The following EPB41L4B variants were observed in gnomAD, a reference collection of about 807,000 sequenced individuals.
EPB41L4B encodes the protein band 4.1-like protein 4B.
A neutral mutation model predicts 112.5 loss-of-function variants in EPB41L4B; 30 were observed. The ratio of observed to expected loss-of-function variants is 0.27; its 90% CI spans 0.20 to 0.36. The LOEUF is 0.36. EPB41L4B is among the 10% of genes least tolerant of loss of function. The probability of loss-of-function intolerance (pLI) is 1.00; values close to 1 mark genes in which losing one functional copy is unlikely to be tolerated. For missense variants in EPB41L4B, 1,024 were observed against 1,133.3 expected (o/e 0.90, Z 1.38); for synonymous variants, 408 against 439.7 (o/e 0.93, Z 0.90).
chr9:109,178,969 T>C (rs2118593422), intron 24 of EPB41L4B, among the ~76,000 whole-genome samples: 1 of 146,512 alleles, frequency 6.8e-6, no homozygotes, highest in East Asian at 2.0e-4. Context: ...AATTACATTA[T>C]TAAATCTCAA....
chr9:109,182,910 G>A, intron 23 of EPB41L4B, 113 bp from the exon 24 acceptor site: 1 of 744,346 alleles, frequency 1.3e-6, no homozygotes, highest in Non-Finnish European at 2.4e-6. Flanking sequence ...TGCCCCCGCA[G>A]AGCCTTCATC....
Position 109,178,382 on chromosome 9 carries a change from C to CTTTTTTTTTTTTT in EPB41L4B, c.2488-1687_2488-1686insAAAAAAAAAAAAA, listed in dbSNP as rs1397053185. On this transcript the variant is annotated intron_variant, in intron 24 of 25. Coordinates refer to ENST00000374566, the MANE Select transcript of EPB41L4B (RefSeq NM_019114.5). ...ACTCTGATCATCAAATGAGCAGTAT[C>CTTTTTTTTTTTTT]TTCTTTTTTTTTTTTTTGAGTTGGA... Among the ~76,000 whole-genome samples, 3 of 142,092 alleles carry CTTTTTTTTTTTTT rather than the reference C, an allele frequency of 2.1e-5. 1 individual carries two copies. The highest frequency in any genetic ancestry group is 3.1e-5 in the Non-Finnish European group (2 of 65,468). 93.2% of individuals were successfully genotyped at this position (142,092 alleles called of 152,430 possible). A position where few individuals can be genotyped will look rare whatever the true frequency, so the allele number is the denominator to read the frequency against.
At chr9:109,240,289 T>C (rs982963128) in intron 15 of EPB41L4B, 18 of 985,340 alleles carry the variant, frequency 1.8e-5, no homozygotes, top group African/African-American at 1.7e-5. Flanking sequence ...TAAAATGGAA[T>C]ACACCTGTAA....
intron 2 of EPB41L4B, among the ~76,000 whole-genome samples, chr9:109,277,925 G>A (rs150271203): frequency 4.9e-4 from 74 of 152,300 alleles, no homozygotes; most frequent in African/African-American, 1.7e-3. Flanking sequence ...CAGGACACAC[G>A]AGAATCTATG....
chr9:109,239,773 C>T (rs1834287796), intron 15 of EPB41L4B: 2 of 966,468 alleles, frequency 2.1e-6, no homozygotes, highest in Admixed American at 6.2e-5. Flanking sequence ...ATATGGCATA[C>T]ACAATTTCCA....
At chr9:109,236,085 A>G (rs1193751392) in intron 15 of EPB41L4B, among the ~76,000 whole-genome samples, 1 of 152,104 alleles carries the variant, frequency 6.6e-6, no homozygotes, top group Non-Finnish European at 1.5e-5. Flanking sequence ...TTGCCATTTT[A>G]CTTCTGCAAA....
In EPB41L4B at chr9:109,194,292, C is replaced by T. The variant is rs377600062; in HGVS notation, c.2151G>A (p.Pro717=). Residue 717 remains proline (P), a synonymous_variant, in exon 21 of 26, where the codon CCG becomes CCA. Transcript: ENST00000374566. ...TAATQVSVPL[P]SPKVQNVSSP... ...AGCTGACATTCTGGACCTTGGGGGA[C>T]GGCAGCGGCACGGAGACTTGTGTGG... is the stretch of plus-strand genomic sequence containing the variant. 2.5e-5 allele frequency: 41 copies of T among 1,614,144 alleles called. No homozygotes were observed. The highest frequency in any genetic ancestry group is 4.4e-5 in the South Asian group (4 of 91,072).
At chr9:109,291,649 A>G (rs1384407298) in intron 1 of EPB41L4B, among the ~76,000 whole-genome samples, 4 of 152,212 alleles carry the variant, frequency 2.6e-5, no homozygotes, top group Non-Finnish European at 5.9e-5. Context: ...AACTGTCCTT[A>G]ATTTTGATCA....
chr9:109,309,498 G>A (rs1466330235), intron 1 of EPB41L4B, among the ~76,000 whole-genome samples: 2 of 152,208 alleles, frequency 1.3e-5, no homozygotes, highest in Admixed American at 6.5e-5. Flanking sequence ...CAATCTCATG[G>A]AGTCCAGAGG....
At chr9:109,197,284 G>A (rs974134940) in intron 20 of EPB41L4B, among the ~76,000 whole-genome samples, 2 of 152,120 alleles carry the variant, frequency 1.3e-5, no homozygotes, top group South Asian at 2.1e-4. Flanking sequence ...TTAGCTGGGC[G>A]TGGTGGCACA....
chr9:109,192,662 G>T (rs1271590783), intron 21 of EPB41L4B, among the ~76,000 whole-genome samples: 3 of 152,254 alleles, frequency 2.0e-5, no homozygotes, highest in East Asian at 3.9e-4. Context: ...AGAGTCCTCT[G>T]AATGTATAAA....
intron 1 of EPB41L4B, among the ~76,000 whole-genome samples, chr9:109,298,383 G>A (rs1216953897): frequency 6.7e-6 from 1 of 148,900 alleles, no homozygotes; most frequent in African/African-American, 2.5e-5. Context: ...GCGCAATCTC[G>A]GCTCACTGCA....
At chr9:109,289,058 A>G (rs1360492636) in intron 1 of EPB41L4B, among the ~76,000 whole-genome samples, 1 of 152,130 alleles carries the variant, frequency 6.6e-6, no homozygotes, top group Non-Finnish European at 1.5e-5. Flanking sequence ...GTTTGCCAGA[A>G]TGGTCTTTCC....
rs571355744 is a variant in EPB41L4B at position 109,290,728 on chromosome 9, T to C, written c.307-10807A>G. ...AACTAGCCATATATATATATATATA[T>C]ACACACACACACATACATATATATA... On this transcript the variant is annotated intron_variant, in intron 1 of 25. Transcript: ENST00000374566. 1.6e-3 allele frequency among the ~76,000 whole-genome samples: 213 copies of C among 137,198 alleles called. 1 individual carries two copies. The highest frequency in any genetic ancestry group is 0.015 in the East Asian group (75 of 5,052). The allele number at this position is 137,198 out of a possible 152,430, so 90.0% of individuals were successfully genotyped here. A position where few individuals can be genotyped will look rare whatever the true frequency, so the allele number is the denominator to read the frequency against.
chr9:109,304,479 C>T (rs917246946), intron 1 of EPB41L4B, among the ~76,000 whole-genome samples: 8 of 152,244 alleles, frequency 5.3e-5, no homozygotes, highest in Non-Finnish European at 1.2e-4. Context: ...GGAGCCGTAT[C>T]ATATGTTGTT....
chr9:109,222,485 G>C lies in EPB41L4B; in HGVS notation c.1410-5340C>G, dbSNP rs556964112. ...ACTACAATGTAAATGACATTCACTA[G>C]GTTGCGCATCTTCCCTCTTCATAGA... On this transcript the variant is annotated intron_variant, in intron 15 of 25. Coordinates refer to ENST00000374566, the MANE Select transcript of EPB41L4B (RefSeq NM_019114.5). Among the ~76,000 whole-genome samples, 10 of 152,316 alleles carry C rather than the reference G, an allele frequency of 6.6e-5. 1 individual carries two copies. The South Asian group carries it at 2.1e-3, about 32-fold the overall frequency.
intron 6 of EPB41L4B, among the ~76,000 whole-genome samples, 181 bp downstream of exon 6, chr9:109,262,868 CT>C (rs1452417771): frequency 6.6e-6 from 1 of 152,206 alleles, no homozygotes; most frequent in Non-Finnish European, 1.5e-5. Flanking sequence ...AGGAACTGCA[CT>C]GCAGTCCTTG....
intron 15 of EPB41L4B, among the ~76,000 whole-genome samples, chr9:109,242,847 T>TAAAAAAAAAAAAAA (rs11292845): frequency 3.1e-5 from 4 of 127,142 alleles, no homozygotes; most frequent in Non-Finnish European, 5.0e-5. Flanking sequence ...AAGCTAGCCT[T>TAAAAAAAAAAAAAA]AAAAAAAAAA....
At chr9:109,174,646 A>C (rs764469586) in intron 25 of EPB41L4B, 23 bp from the exon 26 acceptor site, 1 of 1,606,836 alleles carries the variant, frequency 6.2e-7, no homozygotes, top group Middle Eastern at 1.7e-4. Context: ...ATGTGACAAA[A>C]TAGTGAGACA....
Sources: gnomAD v4.1 joint callset for allele counts (sites outside exome capture counted in the v4.1 genomes callset) on GRCh38, gnomAD v4.1.1 for gene constraint, MANE v1.5 for transcripts, NCBI Gene and HGNC (gene_info 2026-07-23, HGNC 2026-07-21) for gene names.